SLC38A4: variants seen among roughly 807,000 people sequenced by gnomAD.
SLC38A4 encodes sodium-coupled neutral amino acid transporter 4.
In SLC38A4, 20 loss-of-function variants were observed where a neutral mutation model predicts 63.1. That is an observed-to-expected ratio of 0.32 (90% CI 0.22 to 0.46). SLC38A4 has a LOEUF of 0.46. Ranked by LOEUF, SLC38A4 falls within the 20% of genes least tolerant of loss-of-function variation. The pLI, the probability that SLC38A4 is intolerant of heterozygous loss-of-function variation, is 1.00. For synonymous variants in SLC38A4, 230 were observed against 225.5 expected (o/e 1.02, Z -0.18); for missense variants, 526 against 663.6 (o/e 0.79, Z 2.28).
At chr12:46,828,316 G>T (rs560322937), upstream of SLC38A4, among the ~76,000 whole-genome samples, 1 of 152,028 alleles carries the variant, frequency 6.6e-6, no homozygotes, top group Non-Finnish European at 1.5e-5. Flanking sequence ...ATTTTTGTTT[G>T]TTTTGTTGGT....
intron 1 of SLC38A4, among the ~76,000 whole-genome samples, chr12:46,805,644 G>C (rs1323163085): frequency 6.6e-6 from 1 of 151,986 alleles, no homozygotes; most frequent in African/African-American, 2.4e-5. Context: ...GTGCTGTTTT[G>C]AATTTTAATG....
chr12:46,772,852 T>G (rs1938446992), intron 14 of SLC38A4, among the ~76,000 whole-genome samples: 1 of 152,086 alleles, frequency 6.6e-6, no homozygotes, highest in South Asian at 2.1e-4. Context: ...TTTGTTAGTT[T>G]TATTATTAAT....
At chr12:46,784,341 A>T (rs1938713816) in intron 7 of SLC38A4, among the ~76,000 whole-genome samples, 1 of 152,124 alleles carries the variant, frequency 6.6e-6, no homozygotes, top group African/African-American at 2.4e-5. Flanking sequence ...AGGGTTTTAT[A>T]TGTTATTTCA....
At chr12:46,799,368 G>T (rs966168008) in intron 2 of SLC38A4, among the ~76,000 whole-genome samples, 1 of 152,096 alleles carries the variant, frequency 6.6e-6, no homozygotes, top group African/African-American at 2.4e-5. Context: ...TTGGGAGGCT[G>T]AGGAGGGTCT....
chr12:46,769,856 G>C (rs1938379891), intron 14 of SLC38A4, among the ~76,000 whole-genome samples: 1 of 151,976 alleles, frequency 6.6e-6, no homozygotes, highest in African/African-American at 2.4e-5. Flanking sequence ...TGTATAGTAG[G>C]CTCCACCAAT....
At chr12:46,828,613 G>A (rs1425521420), upstream of SLC38A4, among the ~76,000 whole-genome samples, 1 of 152,176 alleles carries the variant, frequency 6.6e-6, no homozygotes, top group Non-Finnish European at 1.5e-5. Context: ...ATGAGCCACG[G>A]TGCCCAGCCT....
intron 14 of SLC38A4, among the ~76,000 whole-genome samples, chr12:46,770,574 C>T (rs775129428): frequency 1.7e-4 from 26 of 152,120 alleles, no homozygotes; most frequent in Non-Finnish European, 5.9e-5. Flanking sequence ...AATAAGTAGG[C>T]GAAGGGTCAA....
chr12:46,770,880 C>G (rs914806016), intron 14 of SLC38A4, among the ~76,000 whole-genome samples: 2 of 152,018 alleles, frequency 1.3e-5, no homozygotes, highest in African/African-American at 2.4e-5. Context: ...GATGGGAACT[C>G]ATTTAAAAGA....
At position 46,805,562 on chromosome 12, in the gene SLC38A4, A is replaced by G. The variant is rs554653257; in HGVS notation, c.-304-1768T>C. Among the ~76,000 whole-genome samples the G allele has an allele frequency of 2.0e-5, 3 of 152,206 alleles. No individual in the cohort carries two copies. The South Asian group carries it at 6.2e-4, about 32-fold the overall frequency. On this transcript the variant is annotated intron_variant, in intron 1 of 16. Transcript: ENST00000266579. Reference sequence around the variant, plus strand: ...AAACACAGACTTAATCATTATAATTATAATTTAATGTTCTGAATATTTATT... The same window carrying G: ...AAACACAGACTTAATCATTATAATTGTAATTTAATGTTCTGAATATTTATT...
At chr12:46,791,213 A>G (rs1938881494) in intron 3 of SLC38A4, among the ~76,000 whole-genome samples, 1 of 152,206 alleles carries the variant, frequency 6.6e-6, no homozygotes, top group Admixed American at 6.5e-5. Context: ...ATAAAAAAGT[A>G]TTGAATGTCA....
intron 2 of SLC38A4, among the ~76,000 whole-genome samples, chr12:46,800,600 T>G (rs1464470984): frequency 6.6e-6 from 1 of 151,912 alleles, no homozygotes; most frequent in Non-Finnish European, 1.5e-5. Flanking sequence ...GACCCCACAT[T>G]CCCACATTAC....
At chr12:46,781,448 T>C (rs1938636722) in intron 7 of SLC38A4, among the ~76,000 whole-genome samples, 1 of 152,070 alleles carries the variant, frequency 6.6e-6, no homozygotes, top group Non-Finnish European at 1.5e-5. Flanking sequence ...TTGCTGGTTT[T>C]CAGTGATGTC....
At chr12:46,796,805 G>T (rs553122639) in intron 2 of SLC38A4, among the ~76,000 whole-genome samples, 1 of 152,152 alleles carries the variant, frequency 6.6e-6, no homozygotes, top group South Asian at 2.1e-4. Flanking sequence ...GTCAAAAATG[G>T]TATCCCAAAC....
intron 1 of SLC38A4, among the ~76,000 whole-genome samples, chr12:46,813,144 T>C (rs566699663): frequency 6.6e-6 from 1 of 152,086 alleles, no homozygotes; most frequent in South Asian, 2.1e-4. Flanking sequence ...ACCATAAGCC[T>C]TAAGATAACC....
intron 1 of SLC38A4, among the ~76,000 whole-genome samples, chr12:46,818,945 A>C (rs921044183): frequency 6.6e-6 from 1 of 151,824 alleles, no homozygotes; most frequent in African/African-American, 2.4e-5. Context: ...TGGGTATTAA[A>C]GTGGAATTGA....
intron 16 of SLC38A4, among the ~76,000 whole-genome samples, chr12:46,767,009 G>T (rs940483154): frequency 7.2e-5 from 11 of 151,932 alleles, no homozygotes; most frequent in Non-Finnish European, 1.6e-4. Context: ...CAACCTACAG[G>T]TTCAACAATG....
rs1168279159 is a variant in SLC38A4 at position 46,781,686 on chromosome 12, C to T, written c.494-1656G>A. Among the ~76,000 whole-genome samples, 23 of 152,050 alleles carry T rather than the reference C, an allele frequency of 1.5e-4. No homozygotes were observed. In the East Asian group the frequency reaches 2.1e-3, roughly 14 times the overall value. On this transcript the variant is annotated intron_variant, in intron 7 of 16. Transcript: ENST00000266579. ...GAGCATTATTTCTGGGGTGATGTTA[C>T]GATATTTCATCTTACTCCCTTAAAG...
At position 46,787,936 on chromosome 12, in the gene SLC38A4, G is replaced by A; in HGVS notation, c.306C>T (p.Asn102=). The change falls in exon 5 of 17, where the codon AAC becomes AAT. Residue 102 remains asparagine (N), a synonymous_variant. Transcript: ENST00000266579. ...GILGLSYAMA[N]TGIILFIIML... Reference sequence around the variant, plus strand: ...CTTACATAAAAAGTATGATCCCTGTGTTGGCCATGGCATAGGACAAGCCCA... The same window carrying A: ...CTTACATAAAAAGTATGATCCCTGTATTGGCCATGGCATAGGACAAGCCCA... 1 of 1,613,106 alleles carries A rather than the reference G, an allele frequency of 6.2e-7. No individual in the cohort carries two copies.
At chr12:46,790,905 C>T (rs547287551) in intron 3 of SLC38A4, among the ~76,000 whole-genome samples, 3 of 151,722 alleles carry the variant, frequency 2.0e-5, no homozygotes, top group African/African-American at 7.3e-5. Context: ...TAGATAAAAC[C>T]CATCTCTTTA....
Sources: allele counts gnomAD v4.1 joint callset (sites outside exome capture counted in the v4.1 genomes callset), GRCh38; gene constraint gnomAD v4.1.1; transcripts MANE v1.5; gene names NCBI Gene and HGNC (gene_info 2026-07-23, HGNC 2026-07-21).